The following EIF4E variants were observed in gnomAD, a reference collection of about 807,000 sequenced individuals.
The protein encoded by EIF4E is eukaryotic translation initiation factor 4E.
For missense variants in EIF4E, 113 were observed against 265.6 expected (o/e 0.43, Z 3.99); for synonymous variants, 71 against 88.5 (o/e 0.80, Z 1.11).
intron 2 of EIF4E, among the ~76,000 whole-genome samples, chr4:98,896,486 C>CCA (rs1230959200): frequency 4.6e-4 from 18 of 39,018 alleles, no homozygotes; most frequent in African/African-American, 2.2e-3. Flanking sequence ...CCGCATCTCT[C>CCA]AAAAAAAAAA....
intron 1 of EIF4E, among the ~76,000 whole-genome samples, chr4:98,922,787 G>A (rs1182861619): frequency 6.6e-6 from 1 of 150,936 alleles, no homozygotes; most frequent in Non-Finnish European, 1.5e-5. Context: ...GATTTGTAAT[G>A]ATTCCACAAA....
chr4:98,914,021 T>C (rs1198577768), intron 1 of EIF4E, among the ~76,000 whole-genome samples: 1 of 148,406 alleles, frequency 6.7e-6, no homozygotes, highest in African/African-American at 2.5e-5. Flanking sequence ...CTAATACAAA[T>C]GTGGAGAAAA....
At chr4:98,888,783 T>A (rs1724026524) in intron 3 of EIF4E, among the ~76,000 whole-genome samples, 1 of 152,182 alleles carries the variant, frequency 6.6e-6, no homozygotes, top group South Asian at 2.1e-4. Context: ...TGATCTTAGC[T>A]GTGTCTACAG....
At chr4:98,903,338 ATATT>A (rs2110200845) in intron 1 of EIF4E, 1 of 420,336 alleles carries the variant, frequency 2.4e-6, no homozygotes, top group Admixed American at 3.2e-5. Context: ...AAGGTGGTAA[ATATT>A]TATTTGAAAG....
intron 1 of EIF4E, among the ~76,000 whole-genome samples, chr4:98,908,718 A>G (rs1159926208): frequency 2.6e-5 from 4 of 152,194 alleles, no homozygotes; most frequent in Non-Finnish European, 5.9e-5. Flanking sequence ...GTGCTACATT[A>G]TTTTCATACA....
At chr4:98,911,061 T>G (rs572198327) in intron 1 of EIF4E, among the ~76,000 whole-genome samples, 1 of 149,378 alleles carries the variant, frequency 6.7e-6, no homozygotes, top group East Asian at 2.0e-4. Context: ...CTTTTTTTTT[T>G]CCCTTTGAGA....
intron 5 of EIF4E, chr4:98,886,690 T>A: frequency 5.9e-6 from 2 of 340,614 alleles, no homozygotes; most frequent in Non-Finnish European, 1.1e-5. Context: ...CACTCCAGCC[T>A]GGGCAACAGA....
At chr4:98,916,737 TG>T (rs1222891098) in intron 1 of EIF4E, among the ~76,000 whole-genome samples, 1 of 152,192 alleles carries the variant, frequency 6.6e-6, no homozygotes, top group Non-Finnish European at 1.5e-5. Flanking sequence ...AAGAATTCTA[TG>T]TCCAGCCAAA....
intron 1 of EIF4E, among the ~76,000 whole-genome samples, chr4:98,907,185 CTGATA>C (rs1724907347): frequency 6.6e-6 from 1 of 152,072 alleles, no homozygotes; most frequent in African/African-American, 2.4e-5. Flanking sequence ...TAAATTCCTT[CTGATA>C]TATGTAGATA....
At chr4:98,912,325 C>T (rs762540534) in intron 1 of EIF4E, among the ~76,000 whole-genome samples, 1 of 151,194 alleles carries the variant, frequency 6.6e-6, no homozygotes, top group African/African-American at 2.4e-5. Context: ...GCCTGTAATC[C>T]CAACACTTTG....
chr4:98,907,726 G>C (rs951471031), intron 1 of EIF4E, among the ~76,000 whole-genome samples: 1 of 152,150 alleles, frequency 6.6e-6, no homozygotes. Context: ...AGTATGATAG[G>C]AGAAAACTTT....
Position 98,917,083 on chromosome 4 carries a change from AACACAC to A in EIF4E, c.18+12006_18+12011del, listed in dbSNP as rs751653561. On this transcript the variant is annotated intron_variant, in intron 1 of 6. Coordinates refer to ENST00000450253, the MANE Select transcript of EIF4E (RefSeq NM_001968.5). The stretch of plus-strand genomic sequence containing the variant: ...TATTTTTATTATTCTACCTTTTCTA[AACACAC>A]ACACACACACACACACACACACACA... 6.5e-3 allele frequency among the ~76,000 whole-genome samples: 672 copies of A among 102,980 alleles called. 3 individuals carry two copies. Among genetic ancestry groups the A allele is most frequent in the South Asian group, 0.017 (54 of 3,088 alleles). 67.6% of individuals were successfully genotyped at this position (102,980 alleles called of 152,430 possible).
chr4:98,896,507 A>C (rs1345836969), intron 2 of EIF4E, among the ~76,000 whole-genome samples: 1 of 148,926 alleles, frequency 6.7e-6, no homozygotes, highest in Non-Finnish European at 1.5e-5. Flanking sequence ...AAAAAAAAAA[A>C]AAACACCTTA....
At chr4:98,914,898 T>C (rs541154019) in intron 1 of EIF4E, among the ~76,000 whole-genome samples, 27 of 152,178 alleles carry the variant, frequency 1.8e-4, no homozygotes, top group Admixed American at 7.2e-4. Flanking sequence ...ACGGGAACTG[T>C]CTTTTCTGCT....
intron 6 of EIF4E, among the ~76,000 whole-genome samples, chr4:98,883,568 GT>G (rs893553798): frequency 6.6e-6 from 1 of 150,738 alleles, no homozygotes; most frequent in African/African-American, 2.4e-5. Context: ...CCAGCTAATT[GT>G]TTTTTTTGTA....
intron 1 of EIF4E, among the ~76,000 whole-genome samples, chr4:98,928,516 C>T (rs1721321609): frequency 6.6e-6 from 1 of 152,096 alleles, no homozygotes; most frequent in South Asian, 2.1e-4. Flanking sequence ...GTCGAAGCTC[C>T]TCCGCGCGTG....
At chr4:98,910,793 G>C (rs1725091394) in intron 1 of EIF4E, among the ~76,000 whole-genome samples, 1 of 151,446 alleles carries the variant, frequency 6.6e-6, no homozygotes, top group Admixed American at 6.6e-5. Context: ...GCAGTGGCAT[G>C]ATCTCGGCTC....
intron 1 of EIF4E, among the ~76,000 whole-genome samples, chr4:98,907,145 T>C (rs1724905432): frequency 6.6e-6 from 1 of 152,208 alleles, no homozygotes; most frequent in African/African-American, 2.4e-5. Flanking sequence ...AAAAAATTTT[T>C]TAAATTATAT....
intron 1 of EIF4E, chr4:98,909,592 T>C: frequency 1.5e-6 from 1 of 680,750 alleles, no homozygotes; most frequent in Non-Finnish European, 2.7e-6. Flanking sequence ...TTCCTCAGCT[T>C]CTTCCAAGTC....
Sources: gnomAD v4.1 joint callset for allele counts (sites outside exome capture counted in the v4.1 genomes callset) on GRCh38, gnomAD v4.1.1 for gene constraint, MANE v1.5 for transcripts, NCBI Gene and HGNC (gene_info 2026-07-23, HGNC 2026-07-21) for gene names.